Variants in FRMD1 observed in about 807,000 individuals in gnomAD.
FRMD1 encodes FERM domain-containing protein 1.
FRMD1 carries 51 observed loss-of-function variants against 54.9 expected under a neutral mutation model. That is an observed-to-expected ratio of 0.93 (90% confidence interval 0.74 to 1.17). The LOEUF is 1.17. FRMD1 is among the 50% of genes most tolerant of loss of function. The pLI, the probability that FRMD1 is intolerant of heterozygous loss-of-function variation, is 0.00. For missense variants in FRMD1, 729 were observed against 743.0 expected (o/e 0.98, Z 0.22); for synonymous variants, 324 against 306.4 (o/e 1.06, Z -0.60).
intron 1 of FRMD1, 99 bp downstream of exon 1, chr6:168,078,778 ACCCCC>A: frequency 4.2e-5 from 3 of 71,522 alleles, no homozygotes; most frequent in East Asian, 2.6e-4. Flanking sequence ...GGCCCTGCTC[ACCCCC>A]ACGGCCACCC....
rs918557657 is a variant in FRMD1, at chr6:168,077,288, G to GC, written c.213+1593_213+1594insG. 4.6e-5 allele frequency among the ~76,000 whole-genome samples: 7 copies of GC among 151,226 alleles called. No individual in the cohort carries two copies. In the South Asian group the frequency reaches 8.5e-4, roughly 18 times the overall value. On this transcript the variant is annotated intron_variant, in intron 1 of 10. Transcript: ENST00000283309. ...GATGTGCACACACTCCGATGGGGGG[G>GC]GGTTCTTGTCTAACTGCAGACATAG...
chr6:168,057,454 G>A (rs1345541873), intron 10 of FRMD1, 115 bp from the exon 11 acceptor site: 6 of 1,475,078 alleles, frequency 4.1e-6, no homozygotes, highest in Non-Finnish European at 4.5e-6. Context: ...TGCCCACCCT[G>A]CGCCGCAGTG....
Position 168,076,102 on chromosome 6 carries a change from C to G in FRMD1, c.214-767G>C, listed in dbSNP as rs533659121. ...AGCGCTGGGGCCCATCCCTGGTCACCGGGCAGCAGAGGCAGCGTTCTCAGG... is the reference window on the plus strand; with the variant it reads ...AGCGCTGGGGCCCATCCCTGGTCACGGGGCAGCAGAGGCAGCGTTCTCAGG... On this transcript the variant is annotated intron_variant, in intron 1 of 10. Coordinates refer to ENST00000283309, the MANE Select transcript of FRMD1 (RefSeq NM_024919.6). 8.5e-5 allele frequency among the ~76,000 whole-genome samples: 13 copies of G among 152,282 alleles called. No individual in the cohort carries two copies. In the East Asian group the frequency reaches 2.1e-3, roughly 25 times the overall value.
chr6:168,086,835 A>G (rs947495904), intron 1 of FRMD1, among the ~76,000 whole-genome samples: 15 of 152,352 alleles, frequency 9.8e-5, no homozygotes, highest in African/African-American at 3.6e-4. Context: ...GGTGAAGCCC[A>G]TGTGACCCCG....
intron 4 of FRMD1, chr6:168,065,517 G>T: frequency 1.0e-6 from 1 of 988,864 alleles, no homozygotes; most frequent in Non-Finnish European, 1.2e-6. Flanking sequence ...AGGCCAGGTG[G>T]AGGCTCGCCC....
upstream of FRMD1, among the ~76,000 whole-genome samples, chr6:168,080,244 T>G (rs557929354): frequency 2.0e-5 from 3 of 151,718 alleles, no homozygotes; most frequent in Admixed American, 2.0e-4. Flanking sequence ...AGGCCTCACC[T>G]CCCCCGGACC....
At chr6:168,072,953 C>T (rs1800383336) in intron 2 of FRMD1, among the ~76,000 whole-genome samples, 1 of 152,158 alleles carries the variant, frequency 6.6e-6, no homozygotes, top group South Asian at 2.1e-4. Flanking sequence ...AGACTTCTGT[C>T]CACAGCCCTC....
chr6:168,087,898 C>T (rs1283387578), intron 1 of FRMD1, among the ~76,000 whole-genome samples: 2 of 152,194 alleles, frequency 1.3e-5, no homozygotes, highest in African/African-American at 4.8e-5. Flanking sequence ...GTGCTTCCAA[C>T]CCTGGCCCCA....
upstream of FRMD1, among the ~76,000 whole-genome samples, chr6:168,083,453 G>A (rs558229495): frequency 5.1e-4 from 77 of 152,358 alleles, no homozygotes; most frequent in South Asian, 8.3e-4. Context: ...GAAAGGAGCC[G>A]CTGTGAACTA....
upstream of FRMD1, among the ~76,000 whole-genome samples, chr6:168,079,821 G>A (rs1032496446): frequency 2.6e-5 from 4 of 152,206 alleles, no homozygotes; most frequent in East Asian, 1.9e-4. Flanking sequence ...GCATCAGCAC[G>A]AGGGGTGGGG....
chr6:168,077,325 C>G (rs375583912), intron 1 of FRMD1, among the ~76,000 whole-genome samples: 6 of 150,944 alleles, frequency 4.0e-5, no homozygotes, highest in African/African-American at 1.5e-4. Flanking sequence ...CGACTGCAAA[C>G]CCCAATGAGG....
At chr6:168,082,906 C>T (rs1583212148), upstream of FRMD1, among the ~76,000 whole-genome samples, 1 of 152,128 alleles carries the variant, frequency 6.6e-6, no homozygotes, top group Non-Finnish European at 1.5e-5. Context: ...TGCTCCCCAC[C>T]CCAGTTCTTC....
At chr6:168,061,665 C>G in intron 8 of FRMD1, 142 bp downstream of exon 8, 1 of 911,716 alleles carries the variant, frequency 1.1e-6, no homozygotes, top group Non-Finnish European at 1.6e-6. Context: ...GCCCTTCGAC[C>G]TCAGCATCTG....
intron 2 of FRMD1, 184 bp from the exon 3 acceptor site, chr6:168,067,630 A>T (rs774122287): frequency 7.5e-5 from 41 of 543,226 alleles, no homozygotes; most frequent in Non-Finnish European, 1.1e-4. Context: ...ACACACATGC[A>T]GGTGTCAAAT....
intron 2 of FRMD1, 76 bp downstream of exon 2, chr6:168,075,169 G>T: frequency 1.7e-6 from 2 of 1,175,560 alleles, no homozygotes; most frequent in Non-Finnish European, 2.5e-6. Flanking sequence ...GGATGTGTGT[G>T]GTGTGCCCAC....
At chr6:168,066,343 A>G (rs1800024535) in intron 4 of FRMD1, 3 of 540,244 alleles carry the variant, frequency 5.6e-6, no homozygotes, top group African/African-American at 2.1e-5. Context: ...TACTGAAAAT[A>G]CAAAATTAGC....
chr6:168,058,980 G>T, intron 10 of FRMD1, 144 bp downstream of exon 10: 1 of 646,926 alleles, frequency 1.5e-6, no homozygotes, highest in South Asian at 2.0e-5. Context: ...GCTGCTCCCT[G>T]ACTTGCCCGC....
intron 2 of FRMD1, among the ~76,000 whole-genome samples, chr6:168,074,183 A>G (rs969902142): frequency 1.3e-5 from 2 of 152,152 alleles, no homozygotes; most frequent in African/African-American, 4.8e-5. Flanking sequence ...TCCATGCGAC[A>G]CAATCCAGCT....
intron 1 of FRMD1, among the ~76,000 whole-genome samples, chr6:168,088,087 C>T (rs1800952566): frequency 1.3e-5 from 2 of 152,228 alleles, no homozygotes; most frequent in Admixed American, 1.3e-4. Context: ...AGGCCCTCAC[C>T]CCACAACAAG....
Sources: allele counts gnomAD v4.1 joint callset (sites outside exome capture counted in the v4.1 genomes callset), GRCh38; gene constraint gnomAD v4.1.1; transcripts MANE v1.5; gene names NCBI Gene and HGNC (gene_info 2026-07-23, HGNC 2026-07-21).